The following SGCD variants were observed in gnomAD, a reference collection of about 807,000 sequenced individuals.
SGCD encodes sarcoglycan delta, also known as delta-sarcoglycan.
In SGCD, 18 loss-of-function variants were observed where a neutral mutation model predicts 36.6. The observed-to-expected ratio is 0.49, with a 90% CI of 0.34 to 0.73. SGCD has a LOEUF of 0.73. Ranked by LOEUF, SGCD falls within the 30% of genes least tolerant of loss-of-function variation. The pLI is 0.01. For synonymous variants in SGCD, 133 were observed against 130.6 expected (o/e 1.02, Z -0.12); for missense variants, 387 against 346.7 (o/e 1.12, Z -0.92).
chr5:156,508,667 C>A lies in SGCD; in HGVS notation c.259C>A (p.Gln87Lys). Reference protein sequence around the residue: ...LKLEGDSEFLQPLYAKEIQSR... With the variant: ...LKLEGDSEFLKPLYAKEIQSR... The stretch of plus-strand genomic sequence containing the variant: ...GCTAGAAGGAGACTCTGAATTCTTA[C>A]AACCTCTCTACGCCAAAGAAATCCA... Residue 87 changes from glutamine to lysine, a missense_variant, in exon 4 of 9, where the codon CAA becomes AAA. Gln to Lys is a moderately conservative substitution (Grantham distance 53). Transcript: ENST00000337851. 1.2e-6 allele frequency: 2 copies of A among 1,611,200 alleles called. No individual in the cohort carries two copies. Among genetic ancestry groups the A allele is most frequent in the Non-Finnish European group, 1.7e-6 (2 of 1,177,894 alleles).
Position 156,090,921 on chromosome 5 carries a change from C to T in SGCD, c.-281-26957C>T, listed in dbSNP as rs28805983. Among the ~76,000 whole-genome samples, 270 of 152,322 alleles carry T rather than the reference C, an allele frequency of 1.8e-3. 2 individuals carry two copies. The highest frequency in any genetic ancestry group is 6.1e-3 in the African/African-American group (254 of 41,582). On this transcript the variant is annotated intron_variant, in intron 1 of 9. Transcript: ENST00000517913. The stretch of plus-strand genomic sequence containing the variant: ...AATATGGCTGTATTCTTCCCGACCC[C>T]GCAGGCAGTCAGACCTTATGGTTAT...
intron 1 of SGCD, among the ~76,000 whole-genome samples, chr5:155,929,575 C>T (rs1258570561): frequency 6.6e-6 from 1 of 152,104 alleles, no homozygotes; most frequent in African/African-American, 2.4e-5. Flanking sequence ...TCTATTCCAT[C>T]TCTCCCCACA....
intron 3 of SGCD, among the ~76,000 whole-genome samples, chr5:156,237,687 A>T (rs1462941969): frequency 6.6e-6 from 1 of 152,178 alleles, no homozygotes. Context: ...CTATTAATAG[A>T]TCCATTAGAG....
intron 3 of SGCD, among the ~76,000 whole-genome samples, chr5:156,400,037 G>C (rs1489908090): frequency 6.6e-6 from 1 of 152,172 alleles, no homozygotes; most frequent in East Asian, 1.9e-4. Context: ...GGGGTGAGGA[G>C]GGTAAGTAAG....
rs73815044 is a variant in SGCD at position 156,361,067 on chromosome 5, C to T, written c.192+16390C>T. ...AATGCTGTAAGCCCCTCTGGGGCTT[C>T]GGGGTCATGGGCACCCTAACCTGGG... On this transcript the variant is annotated intron_variant, in intron 3 of 8. Coordinates refer to ENST00000337851, the MANE Select transcript of SGCD (RefSeq NM_000337.6). 3.7e-3 allele frequency among the ~76,000 whole-genome samples: 569 copies of T among 152,304 alleles called. 3 individuals carry two copies. The highest frequency in any genetic ancestry group is 0.012 in the African/African-American group (517 of 41,584).
At chr5:156,239,315 G>A (rs1448761657) in intron 3 of SGCD, among the ~76,000 whole-genome samples, 2 of 148,852 alleles carry the variant, frequency 1.3e-5, no homozygotes, top group East Asian at 2.0e-4. Context: ...CAGGAGAATC[G>A]CTTGAACCCG....
chr5:156,222,258 A>T (rs534055892), intron 3 of SGCD, among the ~76,000 whole-genome samples: 6 of 152,088 alleles, frequency 3.9e-5, no homozygotes, highest in Non-Finnish European at 7.4e-5. Context: ...TAAAGTTCTG[A>T]AGTTCTGTTT....
intron 4 of SGCD, among the ~76,000 whole-genome samples, chr5:156,541,735 T>C (rs542058494): frequency 6.6e-6 from 1 of 152,264 alleles, no homozygotes; most frequent in African/African-American, 2.4e-5. Context: ...TATTTAATCT[T>C]CCACTTTATA....
the SGCD span, among the ~76,000 whole-genome samples, chr5:155,747,279 G>A: frequency 6.6e-6 from 1 of 152,206 alleles, no homozygotes; most frequent in Non-Finnish European, 1.5e-5. Context: ...AACACAGTAA[G>A]TGGGGTTCAG....
At chr5:156,214,127 A>G (rs190479274) in intron 3 of SGCD, among the ~76,000 whole-genome samples, 4 of 152,026 alleles carry the variant, frequency 2.6e-5, no homozygotes, top group African/African-American at 4.8e-5. Context: ...GGAAAAATAA[A>G]TAAAAGGCAT....
At chr5:156,015,901 T>TTATA (rs138594984) in intron 1 of SGCD, among the ~76,000 whole-genome samples, 2 of 147,664 alleles carry the variant, frequency 1.4e-5, no homozygotes, top group African/African-American at 4.9e-5. Context: ...CACATATATT[T>TTATA]TATATATATA....
intron 3 of SGCD, among the ~76,000 whole-genome samples, chr5:156,197,137 T>C (rs998980903): frequency 3.3e-5 from 5 of 152,198 alleles, no homozygotes; most frequent in Non-Finnish European, 5.9e-5. Context: ...TGTAAATAAA[T>C]CTTCGCATAT....
At position 156,577,639 on chromosome 5, in the gene SGCD, G is replaced by A. The variant is rs527767720; in HGVS notation, c.295-11592G>A. ...CTTGAAGAGGTCCTTCACATCCCTT[G>A]TAAATTGGATTTCTAGGTATTTTAT... On this transcript the variant is annotated intron_variant, in intron 4 of 8. Coordinates refer to ENST00000337851, the MANE Select transcript of SGCD (RefSeq NM_000337.6). Among the ~76,000 whole-genome samples the A allele has an allele frequency of 2.6e-5, 4 of 152,290 alleles. No individual in the cohort carries two copies. The East Asian group carries it at 7.7e-4, about 29-fold the overall frequency.
At chr5:156,648,454 G>T (rs75987147) in intron 7 of SGCD, among the ~76,000 whole-genome samples, 311 of 152,218 alleles carry the variant, frequency 2.0e-3, no homozygotes, top group African/African-American at 7.2e-3. Context: ...AGCCATATTG[G>T]ACCTAGTGTT....
the SGCD span, among the ~76,000 whole-genome samples, chr5:155,818,522 A>G: frequency 7.2e-5 from 11 of 151,940 alleles, no homozygotes; most frequent in Non-Finnish European, 1.5e-4. Flanking sequence ...AAATGGAGAT[A>G]CTTTATTTAT....
intron 7 of SGCD, among the ~76,000 whole-genome samples, chr5:156,683,275 C>T (rs1183391003): frequency 6.6e-6 from 1 of 152,190 alleles, no homozygotes; most frequent in Non-Finnish European, 1.5e-5. Context: ...TTTACTTCTG[C>T]TTTTGTTGCA....
chr5:156,280,797 A>G (rs1330076433), intron 3 of SGCD, among the ~76,000 whole-genome samples: 1 of 152,216 alleles, frequency 6.6e-6, no homozygotes, highest in East Asian at 1.9e-4. Context: ...AATTCCTACC[A>G]GCAACATTTT....
At chr5:156,296,068 A>G (rs1433265109) in intron 3 of SGCD, among the ~76,000 whole-genome samples, 1 of 152,198 alleles carries the variant, frequency 6.6e-6, no homozygotes, top group Non-Finnish European at 1.5e-5. Flanking sequence ...GGCATTGCTC[A>G]AACTGATTTC....
chr5:156,441,489 G>A (rs1013084543), intron 3 of SGCD, among the ~76,000 whole-genome samples: 1 of 152,054 alleles, frequency 6.6e-6, no homozygotes, highest in African/African-American at 2.4e-5. Context: ...AATTATTACT[G>A]TATTCTTTAC....
Sources: gnomAD v4.1 joint callset for allele counts (sites outside exome capture counted in the v4.1 genomes callset) on GRCh38, gnomAD v4.1.1 for gene constraint, MANE v1.5 for transcripts, NCBI Gene and HGNC (gene_info 2026-07-23, HGNC 2026-07-21) for gene names.